The following SAMD7 variants were observed in gnomAD, a reference collection of about 807,000 sequenced individuals.
The protein encoded by SAMD7 is sterile alpha motif domain containing 7.
A neutral mutation model predicts 36.7 loss-of-function variants in SAMD7; 34 were observed. The ratio of observed to expected loss-of-function variants is 0.93; its 90% CI spans 0.71 to 1.23. SAMD7 has a LOEUF of 1.23. SAMD7 is among the 50% of genes most tolerant of loss of function. The pLI is 0.00. For missense variants in SAMD7, 570 were observed against 546.6 expected (o/e 1.04, Z -0.43); for synonymous variants, 188 against 189.7 (o/e 0.99, Z 0.07).
At chr3:169,930,173 C>T (rs1713430354) in intron 7 of SAMD7, among the ~76,000 whole-genome samples, 1 of 152,028 alleles carries the variant, frequency 6.6e-6, no homozygotes, top group Admixed American at 6.6e-5. Flanking sequence ...CCCAAATGTC[C>T]CCTTGTGGGT....
intron 2 of SAMD7, among the ~76,000 whole-genome samples, chr3:169,918,411 C>T (rs1220737018): frequency 1.3e-5 from 2 of 152,196 alleles, no homozygotes; most frequent in Admixed American, 6.5e-5. Context: ...TTGTTCTACT[C>T]TCTGTCTCAG....
At chr3:169,922,098 G>A (rs1368963765) in intron 4 of SAMD7, among the ~76,000 whole-genome samples, 2 of 152,320 alleles carry the variant, frequency 1.3e-5, no homozygotes, top group East Asian at 1.9e-4. Flanking sequence ...GAGTTCTTGC[G>A]GAGGGAGAGA....
At chr3:169,932,721 C>T in intron 7 of SAMD7, 1 of 539,244 alleles carries the variant, frequency 1.9e-6, no homozygotes, top group Admixed American at 2.2e-5. Flanking sequence ...CACCCGTGGG[C>T]CAGGACTTAC....
rs1163824017 is a variant in SAMD7, at chr3:169,928,671, A to C, written c.1041+93A>C. The stretch of plus-strand genomic sequence containing the variant: ...TAGGTCAAACTTGCATTGTGCCTCC[A>C]GAAAGGATTCCTACTAATCTCTCTT... On this transcript the variant is annotated intron_variant, in intron 7 of 8. Transcript: ENST00000335556. 3 of 1,286,460 alleles carry C rather than the reference A, an allele frequency of 2.3e-6. No individual in the cohort carries two copies. The East Asian group carries it at 7.1e-5, about 30-fold the overall frequency. The allele number at this position is 1,286,460 out of a possible 1,614,324, so 79.7% of individuals were successfully genotyped here.
intron 7 of SAMD7, among the ~76,000 whole-genome samples, chr3:169,929,136 A>G (rs1713390636): frequency 1.3e-5 from 2 of 152,232 alleles, no homozygotes; most frequent in Non-Finnish European, 2.9e-5. Context: ...TTAAAAAACT[A>G]TAATGAACTA....
rs935405908 is a variant in SAMD7, at chr3:169,926,420, G to A, written c.291-133G>A. The A allele has an allele frequency of 2.5e-5, 29 of 1,172,528 alleles. No homozygotes were observed. In the Admixed American group the frequency reaches 2.8e-4, roughly 11 times the overall value. 72.6% of individuals were successfully genotyped at this position (1,172,528 alleles called of 1,614,324 possible). A position where few individuals can be genotyped will look rare whatever the true frequency, so the allele number is the denominator to read the frequency against. On this transcript the variant is annotated intron_variant, in intron 5 of 8. Coordinates refer to ENST00000335556, the MANE Select transcript of SAMD7 (RefSeq NM_001304366.2). ...AACTCTCCTTCCCAGTGGCTTTGTG[G>A]GGGATTCATGTTTCCACCAAACAAA...
At position 169,938,555 on chromosome 3, in the gene SAMD7, A is replaced by C; in HGVS notation, c.*49A>C. 1 of 1,187,724 alleles carries C rather than the reference A, an allele frequency of 8.4e-7. No individual in the cohort carries two copies. The highest frequency in any genetic ancestry group is 1.2e-6 in the Non-Finnish European group (1 of 825,492). The allele number at this position is 1,187,724 out of a possible 1,614,324, so 73.6% of individuals were successfully genotyped here. ...TCTTAGCCAGTTTTCCAAAGAGCCT[A>C]GGATATTACAAAGGATGTGTGAGGA... On this transcript the variant is annotated 3_prime_UTR_variant, in exon 9 of 9. Coordinates refer to ENST00000335556, the MANE Select transcript of SAMD7 (RefSeq NM_001304366.2).
chr3:169,923,118 T>C (rs939931404), intron 4 of SAMD7, among the ~76,000 whole-genome samples: 14 of 152,206 alleles, frequency 9.2e-5, no homozygotes, highest in African/African-American at 2.9e-4. Context: ...TGCTTATCCC[T>C]GCTCCACAAT....
intron 7 of SAMD7, chr3:169,933,078 A>G (rs1043759717): frequency 1.1e-6 from 1 of 906,314 alleles, no homozygotes; most frequent in Non-Finnish European, 1.8e-6. Context: ...AAAATCTGCC[A>G]TGGCCCATGA....
intron 7 of SAMD7, among the ~76,000 whole-genome samples, chr3:169,934,062 G>A (rs1445013199): frequency 6.6e-6 from 1 of 152,196 alleles, no homozygotes; most frequent in Non-Finnish European, 1.5e-5. Flanking sequence ...CAGGGCCAAG[G>A]TGGGAGAGGT....
At chr3:169,925,034 G>A (rs1713196901) in intron 4 of SAMD7, 24 bp from the exon 5 acceptor site, 1 of 1,423,324 alleles carries the variant, frequency 7.0e-7, no homozygotes, top group Non-Finnish European at 9.8e-7. Context: ...TTTGTGGGGT[G>A]GGATGGTGGT....
chr3:169,913,602 A>G (rs1304459537), intron 1 of SAMD7, among the ~76,000 whole-genome samples: 2 of 152,232 alleles, frequency 1.3e-5, no homozygotes, highest in Non-Finnish European at 1.5e-5. Flanking sequence ...GCTCTGGGTC[A>G]GAGAAATCCA....
chr3:169,922,291 A>C (rs1713076475), intron 4 of SAMD7, among the ~76,000 whole-genome samples: 1 of 152,106 alleles, frequency 6.6e-6, no homozygotes, highest in African/African-American at 2.4e-5. Context: ...CAGATAGAAG[A>C]GGTAAAAGGA....
At chr3:169,927,371 T>C (rs1713320240) in intron 6 of SAMD7, among the ~76,000 whole-genome samples, 190 bp downstream of exon 6, 1 of 132,124 alleles carries the variant, frequency 7.6e-6, no homozygotes, top group Non-Finnish European at 1.6e-5. Flanking sequence ...CTCGGCTCAC[T>C]GCAACCTCCG....
At chr3:169,932,932 T>G (rs1337513926) in intron 7 of SAMD7, 2 of 664,646 alleles carry the variant, frequency 3.0e-6, no homozygotes, top group Non-Finnish European at 5.7e-6. Flanking sequence ...TCCTTCTTGA[T>G]AACAACAAAA....
At chr3:169,927,239 G>T in intron 6 of SAMD7, 58 bp downstream of exon 6, 1 of 1,240,742 alleles carries the variant, frequency 8.1e-7, no homozygotes, top group Non-Finnish European at 1.1e-6. Context: ...CAAGTCCGTA[G>T]GTTACTACAT....
intron 1 of SAMD7, among the ~76,000 whole-genome samples, chr3:169,915,071 G>A (rs1712739978): frequency 6.6e-6 from 1 of 152,170 alleles, no homozygotes; most frequent in Non-Finnish European, 1.5e-5. Context: ...AGCTTGTTGT[G>A]TCTAGCTCAA....
intron 7 of SAMD7, chr3:169,932,203 A>C (rs948979326): frequency 1.0e-5 from 8 of 763,346 alleles, no homozygotes; most frequent in Non-Finnish European, 1.6e-5. Context: ...TTCCTAGGAG[A>C]CTGCAGCCCA....
intron 2 of SAMD7, among the ~76,000 whole-genome samples, chr3:169,917,711 G>A (rs866298317): frequency 6.7e-6 from 1 of 149,484 alleles, no homozygotes; most frequent in Non-Finnish European, 1.5e-5. Context: ...GCACAATCTC[G>A]GCTCACTGCA....
Sources: gnomAD v4.1 joint callset for allele counts (sites outside exome capture counted in the v4.1 genomes callset) on GRCh38, gnomAD v4.1.1 for gene constraint, MANE v1.5 for transcripts, NCBI Gene and HGNC (gene_info 2026-07-23, HGNC 2026-07-21) for gene names.